IMMP2L: variants seen among roughly 807,000 people sequenced by gnomAD.
The protein encoded by IMMP2L is inner mitochondrial membrane peptidase subunit 2, also known as mitochondrial inner membrane protease subunit 2.
A neutral mutation model predicts 19.3 loss-of-function variants in IMMP2L; 18 were observed. That is an observed-to-expected ratio of 0.93 (90% CI 0.64 to 1.38). The LOEUF is 1.38. Ranked by LOEUF, IMMP2L falls within the 40% of genes most tolerant of loss-of-function variation. The probability of loss-of-function intolerance (pLI) is 0.00; values close to 1 mark genes in which losing one functional copy is unlikely to be tolerated. For missense variants in IMMP2L, 233 were observed against 218.2 expected, an observed-to-expected ratio of 1.07 and a Z score of -0.43; for synonymous variants, 76 against 73.0, an observed-to-expected ratio of 1.04 and a Z score of -0.21.
intron 3 of IMMP2L, among the ~76,000 whole-genome samples, chr7:111,234,884 T>A (rs1814110999): frequency 6.6e-6 from 1 of 152,112 alleles, no homozygotes; most frequent in Admixed American, 6.5e-5. Flanking sequence ...ACTATTATAA[T>A]TTTACTTCTA....
intron 3 of IMMP2L, among the ~76,000 whole-genome samples, chr7:111,193,482 C>T (rs1809127362): frequency 6.6e-6 from 1 of 152,132 alleles, no homozygotes; most frequent in African/African-American, 2.4e-5. Context: ...ATCCTTAAAA[C>T]AGAGTCAAAC....
At chr7:111,130,897 T>C (rs898563814) in intron 3 of IMMP2L, among the ~76,000 whole-genome samples, 1 of 152,000 alleles carries the variant, frequency 6.6e-6, no homozygotes, top group Non-Finnish European at 1.5e-5. Context: ...CAAGAAATCA[T>C]GTCTCCAAAA....
At chr7:110,888,163 C>A (rs986619197) in intron 4 of IMMP2L, among the ~76,000 whole-genome samples, 1 of 151,794 alleles carries the variant, frequency 6.6e-6, no homozygotes, top group South Asian at 2.1e-4. Flanking sequence ...ATTACTATTG[C>A]GAAGAAAGTT....
rs993968984 is a variant in IMMP2L, at chr7:111,428,313, G to A, written c.239+58925C>T. 5.3e-5 allele frequency among the ~76,000 whole-genome samples: 8 copies of A among 151,688 alleles called. 1 individual carries two copies. Among genetic ancestry groups the A allele is most frequent in the Admixed American group, 1.3e-4 (2 of 15,248 alleles). ...ATAAAGACTAAAGCAGTAGAAAAATGAATACCAAAAATGTCAAGAGAAATA... is the reference window on the plus strand; with the variant it reads ...ATAAAGACTAAAGCAGTAGAAAAATAAATACCAAAAATGTCAAGAGAAATA... On this transcript the variant is annotated intron_variant, in intron 3 of 5. Transcript: ENST00000405709.
chr7:111,003,411 A>G (rs1823934376), intron 3 of IMMP2L, among the ~76,000 whole-genome samples: 1 of 152,186 alleles, frequency 6.6e-6, no homozygotes, highest in East Asian at 1.9e-4. Context: ...TAAAGCCAGG[A>G]GTCATACAAA....
At chr7:111,022,908 T>C (rs1477411881) in intron 3 of IMMP2L, among the ~76,000 whole-genome samples, 18 of 152,146 alleles carry the variant, frequency 1.2e-4, no homozygotes, top group Admixed American at 9.8e-4. Flanking sequence ...TGTTGTGAAA[T>C]TGAATGAGAA....
At chr7:111,250,736 C>T (rs1438333148) in intron 3 of IMMP2L, among the ~76,000 whole-genome samples, 1 of 152,028 alleles carries the variant, frequency 6.6e-6, no homozygotes. Flanking sequence ...TTCCTTATAC[C>T]TTATACAAAA....
intron 5 of IMMP2L, among the ~76,000 whole-genome samples, chr7:110,731,894 CA>C (rs1015926611): frequency 2.0e-5 from 3 of 152,048 alleles, no homozygotes; most frequent in African/African-American, 2.4e-5. Context: ...AGGTGCTGAA[CA>C]AAAAAAGTAG....
chr7:111,123,863 G>A lies in IMMP2L; in HGVS notation c.240-160298C>T. The A allele has an allele frequency of 1.2e-6, 2 of 1,613,956 alleles. No homozygotes were observed. The highest frequency in any genetic ancestry group is 1.7e-6 in the Non-Finnish European group (2 of 1,179,990). Reference sequence around the variant, plus strand: ...TCTCTGCCAAACCTCAAGGAAATCAGCATACACAGTAACCCCATCAGGTGT... The same window carrying A: ...TCTCTGCCAAACCTCAAGGAAATCAACATACACAGTAACCCCATCAGGTGT... On this transcript the variant is annotated intron_variant, in intron 3 of 5. Transcript: ENST00000405709. This position sits in a 1 kb window ranked among gnomAD's most constrained non-coding sequence, Gnocchi z 6.4.
chr7:111,482,526 A>T (rs1031576771), intron 3 of IMMP2L, among the ~76,000 whole-genome samples: 3 of 151,966 alleles, frequency 2.0e-5, no homozygotes, highest in African/African-American at 7.3e-5. Flanking sequence ...TCCCACTCAC[A>T]CAGCTCTCCT....
At chr7:110,923,635 C>T (rs1242857669) in intron 4 of IMMP2L, among the ~76,000 whole-genome samples, 1 of 152,096 alleles carries the variant, frequency 6.6e-6, no homozygotes, top group South Asian at 2.1e-4. Context: ...TTAAGCATTA[C>T]TTTTTCATAA....
At chr7:110,920,012 A>G (rs1307297066) in intron 4 of IMMP2L, among the ~76,000 whole-genome samples, 1 of 152,170 alleles carries the variant, frequency 6.6e-6, no homozygotes, top group African/African-American at 2.4e-5. Flanking sequence ...TTCAAACATC[A>G]GACTCCAAGT....
At chr7:110,705,335 C>T (rs1449970057) in intron 5 of IMMP2L, among the ~76,000 whole-genome samples, 1 of 151,984 alleles carries the variant, frequency 6.6e-6, no homozygotes, top group Non-Finnish European at 1.5e-5. Context: ...ATGTCTCAGA[C>T]CAAAAAACAA....
At chr7:110,905,165 T>A (rs879630634) in intron 4 of IMMP2L, among the ~76,000 whole-genome samples, 7 of 152,046 alleles carry the variant, frequency 4.6e-5, no homozygotes, top group Non-Finnish European at 1.0e-4. Flanking sequence ...GACCATAATA[T>A]GTAAAAAATA....
At chr7:111,463,255 T>C (rs1413124047) in intron 3 of IMMP2L, among the ~76,000 whole-genome samples, 1 of 152,042 alleles carries the variant, frequency 6.6e-6, no homozygotes, top group Non-Finnish European at 1.5e-5. Context: ...CCCATACAAA[T>C]GACACCTCAT....
chr7:111,157,580 A>G (rs558363862), intron 3 of IMMP2L, among the ~76,000 whole-genome samples: 23 of 152,208 alleles, frequency 1.5e-4, no homozygotes, highest in African/African-American at 5.3e-4. Context: ...GCTAGGAAGC[A>G]TATTGGAGAA....
chr7:111,270,546 A>C (rs889132465), intron 3 of IMMP2L, among the ~76,000 whole-genome samples: 1 of 152,154 alleles, frequency 6.6e-6, no homozygotes, highest in African/African-American at 2.4e-5. Flanking sequence ...ATTTCTTTAA[A>C]AATATGATGC....
chr7:111,318,707 C>T (rs899924510), intron 3 of IMMP2L, among the ~76,000 whole-genome samples: 21 of 151,858 alleles, frequency 1.4e-4, no homozygotes, highest in African/African-American at 2.7e-4. Flanking sequence ...CACTTGAAGA[C>T]GGAATAACTA....
intron 3 of IMMP2L, among the ~76,000 whole-genome samples, chr7:111,089,664 C>T (rs1796649955): frequency 3.9e-5 from 6 of 151,962 alleles, no homozygotes; most frequent in Admixed American, 2.6e-4. Context: ...TGAGTAAATA[C>T]TAGAGTATCC....
Sources: gnomAD v4.1 joint callset for allele counts (sites outside exome capture counted in the v4.1 genomes callset) on GRCh38, gnomAD v4.1.1 for gene constraint, Gnocchi (gnomAD v3.1) non-coding constraint, MANE v1.5 for transcripts, NCBI Gene and HGNC (gene_info 2026-07-23, HGNC 2026-07-21) for gene names.